The following KIF18A variants were observed in gnomAD, a reference collection of about 807,000 sequenced individuals.
KIF18A encodes kinesin family member 18A, also known as kinesin-like protein KIF18A.
Under a neutral mutation model 103.3 loss-of-function variants are expected in KIF18A, and 67 were observed. The observed-to-expected ratio is 0.65, with a 90% CI of 0.53 to 0.79. The LOEUF (loss-of-function observed/expected upper bound fraction) is 0.79. Among genes scored for constraint, KIF18A ranks in the 30% least tolerant of loss-of-function variants. The pLI is 0.00. For missense variants in KIF18A, 1,032 were observed against 1,062.5 expected (o/e 0.97, Z 0.40); for synonymous variants, 367 against 355.5 (o/e 1.03, Z -0.36).
chr11:28,050,895 A>G (rs1009006778), intron 13 of KIF18A, among the ~76,000 whole-genome samples: 4 of 152,020 alleles, frequency 2.6e-5, no homozygotes, highest in African/African-American at 9.6e-5. Context: ...TCTATTTATT[A>G]GAAAATAATT....
chr11:28,033,594 T>A (rs1233830626), intron 15 of KIF18A, among the ~76,000 whole-genome samples: 1 of 151,800 alleles, frequency 6.6e-6, no homozygotes, highest in East Asian at 1.9e-4. Flanking sequence ...TTATGTTAAG[T>A]GAAATAAGCC....
At chr11:28,045,556 T>C (rs1850620800) in intron 13 of KIF18A, among the ~76,000 whole-genome samples, 1 of 151,996 alleles carries the variant, frequency 6.6e-6, no homozygotes. Flanking sequence ...TATTAACATA[T>C]GTATAAATAT....
At chr11:28,076,915 CAGA>C (rs962462248) in intron 10 of KIF18A, 89 bp downstream of exon 10, 3 of 594,292 alleles carry the variant, frequency 5.0e-6, no homozygotes, top group East Asian at 3.9e-5. Flanking sequence ...GCTTGGGCAA[CAGA>C]AGAAGAGACT....
chr11:28,043,837 T>A (rs1420265275), intron 13 of KIF18A, among the ~76,000 whole-genome samples: 1 of 151,852 alleles, frequency 6.6e-6, no homozygotes, highest in Non-Finnish European at 1.5e-5. Flanking sequence ...AATAATGAAT[T>A]ATTTTATTTT....
chr11:28,067,838 T>C (rs1565082051), intron 11 of KIF18A, among the ~76,000 whole-genome samples: 1 of 152,208 alleles, frequency 6.6e-6, no homozygotes, highest in Non-Finnish European at 1.5e-5. Flanking sequence ...AGTTATTTCA[T>C]AGCAGTTGCT....
Position 28,037,271 on chromosome 11 carries a change from G to A in KIF18A, c.1949-607C>T, listed in dbSNP as rs143286827. Among the ~76,000 whole-genome samples the A allele has an allele frequency of 2.0e-4, 30 of 151,558 alleles. 1 individual carries two copies. In the East Asian group the frequency reaches 5.6e-3, roughly 28 times the overall value. ...CTGGGTGAATGAAAGCATTGTTTCT[G>A]TTACAGTGTCAGGTATACAGAGTTG... On this transcript the variant is annotated intron_variant, in intron 13 of 16. Coordinates refer to ENST00000263181, the MANE Select transcript of KIF18A (RefSeq NM_031217.4).
chr11:28,072,257 T>C (rs541848218), intron 10 of KIF18A, among the ~76,000 whole-genome samples: 1 of 152,330 alleles, frequency 6.6e-6, no homozygotes, highest in African/African-American at 2.4e-5. Context: ...ACAATTTTAG[T>C]TGTTACTACT....
At chr11:28,033,741 T>A (rs1010740031) in intron 15 of KIF18A, among the ~76,000 whole-genome samples, 7 of 151,530 alleles carry the variant, frequency 4.6e-5, no homozygotes, top group Admixed American at 1.3e-4. Flanking sequence ...GGGAGGATGG[T>A]TAATGGGGGG....
intron 1 of KIF18A, among the ~76,000 whole-genome samples, chr11:28,104,059 A>C (rs1851476553): frequency 6.6e-6 from 1 of 152,214 alleles, no homozygotes; most frequent in Non-Finnish European, 1.5e-5. Flanking sequence ...CATGGTAATA[A>C]GCCAAGTTGA....
chr11:28,040,091 A>T (rs1160912321), intron 13 of KIF18A, among the ~76,000 whole-genome samples: 4 of 151,940 alleles, frequency 2.6e-5, no homozygotes, highest in African/African-American at 9.6e-5. Flanking sequence ...GACCCAACTT[A>T]ATGAAAACTA....
At chr11:28,041,055 A>G (rs1850552540) in intron 13 of KIF18A, among the ~76,000 whole-genome samples, 1 of 151,820 alleles carries the variant, frequency 6.6e-6, no homozygotes, top group Non-Finnish European at 1.5e-5. Flanking sequence ...TACAAAAGCA[A>G]CAATCTAAAA....
intron 9 of KIF18A, among the ~76,000 whole-genome samples, chr11:28,078,176 AAC>A (rs1306308267): frequency 6.6e-6 from 1 of 152,102 alleles, no homozygotes; most frequent in Non-Finnish European, 1.5e-5. Context: ...CAGCGGTAAA[AAC>A]ACTGCCAATT....
chr11:28,024,769 G>T (rs72874500), intron 15 of KIF18A, among the ~76,000 whole-genome samples: 3 of 151,926 alleles, frequency 2.0e-5, no homozygotes, highest in Middle Eastern at 3.4e-3. Context: ...GATTGGGGGG[G>T]GTTGGGTGGA....
chr11:28,036,291 T>C lies in KIF18A; in HGVS notation c.2322A>G (p.Glu774=). The C allele has an allele frequency of 1.2e-6, 2 of 1,610,638 alleles. No homozygotes were observed. The highest frequency in any genetic ancestry group is 8.5e-7 in the Non-Finnish European group (1 of 1,177,908). ...ATTTACACTTCGAGCTCTTGATGTCTTCACATATAGTAAATGTAGAGTCCA... is the reference window on the plus strand; with the variant it reads ...ATTTACACTTCGAGCTCTTGATGTCCTCACATATAGTAAATGTAGAGTCCA... ...EDLDSTFTIC[E]DIKSSKCKLP... is the part of the protein sequence containing the mutation. Residue 774 remains glutamate (E), a synonymous_variant, in exon 14 of 17, where the codon GAA becomes GAG. Coordinates refer to ENST00000263181, the MANE Select transcript of KIF18A (RefSeq NM_031217.4).
intron 11 of KIF18A, among the ~76,000 whole-genome samples, chr11:28,068,779 G>A (rs1230015894): frequency 1.3e-5 from 2 of 152,092 alleles, no homozygotes; most frequent in African/African-American, 4.8e-5. Flanking sequence ...ACAAAAGACA[G>A]CCCACACTAG....
intron 15 of KIF18A, among the ~76,000 whole-genome samples, chr11:28,030,622 T>C (rs368057541): frequency 4.6e-5 from 7 of 151,852 alleles, no homozygotes; most frequent in African/African-American, 7.3e-5. Flanking sequence ...TAGGCATGGG[T>C]AAGGACTTCA....
chr11:28,050,917 A>C (rs12361364), intron 13 of KIF18A, among the ~76,000 whole-genome samples: 3,206 of 151,972 alleles, frequency 0.021, 58 homozygotes, highest in Non-Finnish European at 0.033. Flanking sequence ...AAATTCATAA[A>C]ATTTACAAAA....
At chr11:28,092,292 G>C (rs1321427975) in intron 3 of KIF18A, among the ~76,000 whole-genome samples, 1 of 152,096 alleles carries the variant, frequency 6.6e-6, no homozygotes, top group Non-Finnish European at 1.5e-5. Flanking sequence ...CCCATACCAA[G>C]GACAGGTGGT....
chr11:28,067,297 C>T (rs139288294), intron 11 of KIF18A, among the ~76,000 whole-genome samples: 221 of 152,158 alleles, frequency 1.5e-3, no homozygotes, highest in African/African-American at 4.7e-3. Flanking sequence ...ATGCTTTTAT[C>T]AAGATATTTT....
Sources: gnomAD v4.1 joint callset for allele counts (sites outside exome capture counted in the v4.1 genomes callset) on GRCh38, gnomAD v4.1.1 for gene constraint, MANE v1.5 for transcripts, NCBI Gene and HGNC (gene_info 2026-07-23, HGNC 2026-07-21) for gene names.